LINGO2: variants seen among roughly 807,000 people sequenced by gnomAD.
LINGO2 encodes leucine rich repeat and Ig domain containing 2, also known as leucine-rich repeat and immunoglobulin-like domain-containing nogo receptor-interacting protein 2.
Under a neutral mutation model 30.6 loss-of-function variants are expected in LINGO2, and 14 were observed. The ratio of observed to expected loss-of-function variants is 0.46; its 90% CI spans 0.30 to 0.72. The LOEUF (loss-of-function observed/expected upper bound fraction) is 0.72, where lower values mean the gene tolerates loss of function less well. LINGO2 is among the 30% of genes least tolerant of loss of function. The pLI is 0.07. For synonymous variants in LINGO2, 317 were observed against 288.5 expected (o/e 1.10, Z -1.00); for missense variants, 729 against 751.7 (o/e 0.97, Z 0.35).
the LINGO2 span, among the ~76,000 whole-genome samples, chr9:29,094,227 A>T: frequency 1.4e-5 from 2 of 138,698 alleles, 1 homozygote; most frequent in Non-Finnish European, 3.1e-5. Context: ...TCTAGAGCCA[A>T]AATTATCCTT....
At chr9:28,663,444 T>C (rs1828665140) in intron 1 of LINGO2, among the ~76,000 whole-genome samples, 1 of 152,154 alleles carries the variant, frequency 6.6e-6, no homozygotes, top group East Asian at 1.9e-4. Context: ...GTGCTGGGAT[T>C]ACAGGCGTGA....
At chr9:28,103,757 C>T (rs1826485630) in intron 4 of LINGO2, among the ~76,000 whole-genome samples, 1 of 152,196 alleles carries the variant, frequency 6.6e-6, no homozygotes, top group Non-Finnish European at 1.5e-5. Flanking sequence ...ATAATCAATA[C>T]ATGTACACAT....
At chr9:28,359,214 A>C (rs796878198) in intron 3 of LINGO2, among the ~76,000 whole-genome samples, 5 of 152,260 alleles carry the variant, frequency 3.3e-5, no homozygotes, top group African/African-American at 1.2e-4. Context: ...ACTGAGGAGA[A>C]AGTCCCCCTG....
intron 1 of LINGO2, among the ~76,000 whole-genome samples, chr9:28,517,912 G>A (rs1033793056): frequency 2.0e-5 from 3 of 152,084 alleles, no homozygotes; most frequent in Admixed American, 2.0e-4. Context: ...TCTGCTTCAG[G>A]GGCGGAATTT....
chr9:29,121,053 A>G, the LINGO2 span, among the ~76,000 whole-genome samples: 1 of 152,182 alleles, frequency 6.6e-6, no homozygotes, highest in Non-Finnish European at 1.5e-5. Context: ...AGGTCAATAT[A>G]TATCCTTAAT....
Position 28,147,296 on chromosome 9 carries a change from G to A in LINGO2, c.-86-134891C>T, listed in dbSNP as rs1217926769. On this transcript the variant is annotated intron_variant, in intron 4 of 5. Coordinates refer to ENST00000379992, the Ensembl canonical transcript of LINGO2. This position sits in a 1 kb window ranked among gnomAD's most constrained non-coding sequence, Gnocchi z 4.7. ...CACAGCCTGGGTTCAAAGCCTGGCT[G>A]GGCCATGACCACCTGAATGACCTGA... is the stretch of plus-strand genomic sequence containing the variant. 6.6e-6 allele frequency among the ~76,000 whole-genome samples: 1 copy of A among 152,198 alleles called. No individual in the cohort carries two copies. The highest frequency in any genetic ancestry group is 1.5e-5 in the Non-Finnish European group (1 of 68,030).
At chr9:28,598,418 C>CAAAAAAAA (rs766825127) in intron 1 of LINGO2, among the ~76,000 whole-genome samples, 11 of 108,980 alleles carry the variant, frequency 1.0e-4, no homozygotes, top group East Asian at 2.9e-4. Context: ...TTCTCCATAT[C>CAAAAAAAA]AAAAAAAAAA....
chr9:28,779,711 C>T, the LINGO2 span, among the ~76,000 whole-genome samples: 1 of 152,058 alleles, frequency 6.6e-6, no homozygotes, highest in Non-Finnish European at 1.5e-5. Context: ...TTTCTGATTG[C>T]TTTTTCTTAA....
chr9:28,167,144 C>G (rs1024743755), intron 4 of LINGO2, among the ~76,000 whole-genome samples: 4 of 140,370 alleles, frequency 2.8e-5, no homozygotes, highest in Non-Finnish European at 4.7e-5. Context: ...ATAGCACCCC[C>G]CCCCCCCACT....
At chr9:28,320,450 A>G (rs553238216) in intron 3 of LINGO2, among the ~76,000 whole-genome samples, 1 of 152,278 alleles carries the variant, frequency 6.6e-6, no homozygotes, top group South Asian at 2.1e-4. Flanking sequence ...ATTGGTGACA[A>G]TTTCAGTAGT....
chr9:28,809,378 C>T, the LINGO2 span, among the ~76,000 whole-genome samples: 1 of 152,164 alleles, frequency 6.6e-6, no homozygotes, highest in Non-Finnish European at 1.5e-5. Flanking sequence ...ACTGTCATAG[C>T]CCTTGGCAAG....
chr9:29,060,435 A>C, the LINGO2 span, among the ~76,000 whole-genome samples: 2 of 152,048 alleles, frequency 1.3e-5, no homozygotes, highest in South Asian at 4.1e-4. Flanking sequence ...TGTGAAAACA[A>C]ACACACTAAA....
chr9:28,387,265 T>C (rs1821621716), intron 2 of LINGO2, among the ~76,000 whole-genome samples: 2 of 152,024 alleles, frequency 1.3e-5, no homozygotes, highest in African/African-American at 4.8e-5. Context: ...AATGCACCAA[T>C]TGGCACTCTG....
At chr9:28,540,704 G>A (rs1821652863) in intron 1 of LINGO2, among the ~76,000 whole-genome samples, 1 of 152,174 alleles carries the variant, frequency 6.6e-6, no homozygotes, top group Admixed American at 6.5e-5. Flanking sequence ...ATATAAAAAT[G>A]TATAGGCGTG....
At chr9:28,617,340 G>T (rs1156481917) in intron 1 of LINGO2, among the ~76,000 whole-genome samples, 1 of 148,380 alleles carries the variant, frequency 6.7e-6, no homozygotes, top group African/African-American at 2.6e-5. Context: ...CTGTCGCCCA[G>T]GCTGGAGTGC....
the LINGO2 span, among the ~76,000 whole-genome samples, chr9:28,966,282 T>A: frequency 2.0e-5 from 3 of 152,214 alleles, no homozygotes; most frequent in Admixed American, 6.6e-5. Flanking sequence ...TCGAGGCCTC[T>A]TTACCTTTGA....
intron 3 of LINGO2, among the ~76,000 whole-genome samples, chr9:28,355,333 G>GTCTCTC (rs372527860): frequency 1.6e-5 from 1 of 63,772 alleles, no homozygotes; most frequent in Non-Finnish European, 3.7e-5. Flanking sequence ...CTCTGTCTCT[G>GTCTCTC]TCTCTCTCTC....
the LINGO2 span, among the ~76,000 whole-genome samples, chr9:29,072,632 A>ATATATATATATATATAT: frequency 8.9e-6 from 1 of 112,054 alleles, no homozygotes; most frequent in African/African-American, 3.6e-5. Context: ...TATATATATC[A>ATATATATATATATATAT]AGAGTCCTAA....
At chr9:29,074,775 T>C in the LINGO2 span, among the ~76,000 whole-genome samples, 3 of 138,214 alleles carry the variant, frequency 2.2e-5, no homozygotes, top group Non-Finnish European at 3.1e-5. Context: ...AGCCTCTGCC[T>C]CCCAGGTTCA....
Sources: allele counts gnomAD v4.1 joint callset (sites outside exome capture counted in the v4.1 genomes callset), GRCh38; gene constraint gnomAD v4.1.1; non-coding constraint Gnocchi (gnomAD v3.1); transcripts MANE v1.5; gene names NCBI Gene and HGNC (gene_info 2026-07-23, HGNC 2026-07-21).